FOXK1: variants seen among roughly 807,000 people sequenced by gnomAD.
FOXK1 encodes forkhead box protein K1.
A neutral mutation model predicts 51.9 loss-of-function variants in FOXK1; 19 were observed. The observed-to-expected ratio is 0.37, with a 90% CI of 0.26 to 0.54. FOXK1 has a LOEUF of 0.54. Ranked by LOEUF, FOXK1 falls within the 20% of genes least tolerant of loss-of-function variation. The pLI is 0.87. For missense variants in FOXK1, 870 were observed against 1,032.7 expected (o/e 0.84, Z 2.16); for synonymous variants, 537 against 482.6 (o/e 1.11, Z -1.48).
rs6977882 is a variant in FOXK1, at chr7:4,735,418, G to A, written c.561-5420G>A. On this transcript the variant is annotated intron_variant, in intron 1 of 8. Transcript: ENST00000328914. The surrounding 1 kb of genome is among the most constrained non-coding windows in gnomAD (Gnocchi z 4.7). ...ATTGTTCCAGTCCGTGGTTTTCAGC[G>A]CATTCGCAGAGTTGCGCGGCCACCA... Among the ~76,000 whole-genome samples, 1,737 of 152,262 alleles carry A rather than the reference G, an allele frequency of 0.011. 33 individuals are homozygous for A. The highest frequency in any genetic ancestry group is 0.04 in the African/African-American group (1,664 of 41,534).
intron 2 of FOXK1, among the ~76,000 whole-genome samples, chr7:4,752,963 A>G (rs1243660011): frequency 6.6e-6 from 1 of 152,230 alleles, no homozygotes; most frequent in Non-Finnish European, 1.5e-5. Context: ...TTTTGGATTC[A>G]GAACTAAATT....
chr7:4,710,985 T>C (rs1780167320), intron 1 of FOXK1, among the ~76,000 whole-genome samples: 1 of 152,242 alleles, frequency 6.6e-6, no homozygotes, highest in Non-Finnish European at 1.5e-5. Flanking sequence ...CACTGGGTTC[T>C]GGGAAGCCCC....
intron 3 of FOXK1, 137 bp downstream of exon 3, chr7:4,754,752 C>T (rs1352293465): frequency 2.7e-6 from 3 of 1,111,876 alleles, no homozygotes; most frequent in Non-Finnish European, 3.8e-6. Flanking sequence ...AATGGAGCCG[C>T]AGCTGGCGGT....
chr7:4,695,909 C>G (rs962586808), intron 1 of FOXK1, among the ~76,000 whole-genome samples: 1 of 146,954 alleles, frequency 6.8e-6, no homozygotes, highest in Admixed American at 6.9e-5. Context: ...GCACTCCAGT[C>G]TGGGCAACAA....
chr7:4,728,583 G>C (rs1780410173), intron 1 of FOXK1, among the ~76,000 whole-genome samples: 1 of 152,074 alleles, frequency 6.6e-6, no homozygotes, highest in Non-Finnish European at 1.5e-5. Context: ...CAGCAGATGG[G>C]ACTCCTCCTC....
chr7:4,699,751 A>T (rs184849651), intron 1 of FOXK1, among the ~76,000 whole-genome samples: 7 of 152,254 alleles, frequency 4.6e-5, no homozygotes, highest in Admixed American at 3.3e-4. Flanking sequence ...TTTCTTTTGT[A>T]ATTAAGTAAT....
intron 1 of FOXK1, among the ~76,000 whole-genome samples, chr7:4,691,365 C>G (rs1779888794): frequency 6.6e-6 from 1 of 152,188 alleles, no homozygotes; most frequent in Non-Finnish European, 1.5e-5. Context: ...CAGAGAGCCT[C>G]CCTCTGTCTC....
At chr7:4,754,076 C>T (rs1276517294) in intron 2 of FOXK1, among the ~76,000 whole-genome samples, 1 of 152,190 alleles carries the variant, frequency 6.6e-6, no homozygotes, top group Admixed American at 6.5e-5. Flanking sequence ...TTGTGGACAC[C>T]TGTGCAGGAG....
rs10255930 is a variant in FOXK1 at position 4,709,459 on chromosome 7, C to T, written c.560+26591C>T. Among the ~76,000 whole-genome samples the T allele has an allele frequency of 2.7e-4, 41 of 152,272 alleles. No individual in the cohort carries two copies. Among genetic ancestry groups the T allele is most frequent in the African/African-American group, 8.7e-4 (36 of 41,544 alleles). ...GCTGCTTATCTGGACTCGATGTCTC[C>T]GAGCAGATCGAGGCTGGCCCACCCC... is the stretch of plus-strand genomic sequence containing the variant. On this transcript the variant is annotated intron_variant, in intron 1 of 8. Coordinates refer to ENST00000328914, the MANE Select transcript of FOXK1 (RefSeq NM_001037165.2). The surrounding 1 kb of genome is among the most constrained non-coding windows in gnomAD (Gnocchi z 5.6).
At chr7:4,714,808 A>C (rs1433151538) in intron 1 of FOXK1, among the ~76,000 whole-genome samples, 2 of 152,142 alleles carry the variant, frequency 1.3e-5, no homozygotes, top group African/African-American at 4.8e-5. Flanking sequence ...CTCCTTAGAG[A>C]ATCAGTTCCC....
chr7:4,725,073 T>C (rs1043500270), intron 1 of FOXK1, among the ~76,000 whole-genome samples: 1 of 152,184 alleles, frequency 6.6e-6, no homozygotes, highest in Non-Finnish European at 1.5e-5. Flanking sequence ...CCAAGCGCGG[T>C]GCACCCGCCA....
In FOXK1 at chr7:4,758,384, G is replaced by A. The variant is rs1309908653; in HGVS notation, c.1245-667G>A. ...GCTTCCCAGGTTGCCCATCAGATGA[G>A]CCCGTCCCAGGTGTCGAGGAGGAGA... On this transcript the variant is annotated intron_variant, in intron 5 of 8. Coordinates refer to ENST00000328914, the MANE Select transcript of FOXK1 (RefSeq NM_001037165.2). The surrounding 1 kb of genome is among the most constrained non-coding windows in gnomAD (Gnocchi z 4.4). 6.6e-6 allele frequency: 1 copy of A among 152,388 alleles called. No individual in the cohort carries two copies. Among genetic ancestry groups the A allele is most frequent in the Non-Finnish European group, 1.5e-5 (1 of 68,152 alleles). 9.4% of individuals were successfully genotyped at this position (152,388 alleles called of 1,614,324 possible).
intron 1 of FOXK1, among the ~76,000 whole-genome samples, chr7:4,738,317 A>T (rs917542649): frequency 1.4e-5 from 2 of 143,782 alleles, no homozygotes; most frequent in African/African-American, 5.2e-5. Context: ...CGTGCCTGTA[A>T]TCCCAGCTAC....
rs896563816 is a variant in FOXK1, at chr7:4,764,303, T to C, written c.*1839T>C. On this transcript the variant is annotated 3_prime_UTR_variant, in exon 9 of 9. Transcript: ENST00000328914. ...TTTCCTTCCCGTGTCCCGTTGTTTT[T>C]CTAAGCCCCCCGAATTGAGTCGTTT... 2 of 154,428 alleles carry C rather than the reference T, an allele frequency of 1.3e-5. No homozygotes were observed. The highest frequency in any genetic ancestry group is 4.8e-5 in the African/African-American group (2 of 41,526). 9.6% of individuals were successfully genotyped at this position (154,428 alleles called of 1,614,324 possible).
intron 1 of FOXK1, among the ~76,000 whole-genome samples, chr7:4,740,394 C>T (rs1183447838): frequency 6.6e-6 from 1 of 150,410 alleles, no homozygotes; most frequent in East Asian, 1.9e-4. Context: ...CGTGTCCCTG[C>T]ACTCCAGCCT....
At position 4,682,789 on chromosome 7, in the gene FOXK1, C is replaced by T. The variant is rs1214607900; in HGVS notation, c.481C>T (p.Arg161Cys). ...CTTCCAGGAGCCGCACTTCTACCTG[C>T]GCTGCCTCGGCAAGAACGGCGTCTT... ...LSFQEPHFYL[R>C]CLGKNGVFVD... Residue 161 changes from arginine to cysteine, a missense_variant, in exon 1 of 9, where the codon CGC becomes TGC. Transcript: ENST00000328914. This position sits in a 1 kb window ranked among gnomAD's most constrained non-coding sequence, Gnocchi z 7.6. The T allele has an allele frequency of 1.9e-6, 3 of 1,591,926 alleles. No homozygotes were observed. Among genetic ancestry groups the T allele is most frequent in the African/African-American group, 2.7e-5 (2 of 74,060 alleles).
At position 4,711,159 on chromosome 7, in the gene FOXK1, C is replaced by T. The variant is rs78945488; in HGVS notation, c.560+28291C>T. 0.013 allele frequency among the ~76,000 whole-genome samples: 1,980 copies of T among 152,254 alleles called. 54 individuals are homozygous for T. The highest frequency in any genetic ancestry group is 0.045 in the African/African-American group (1,887 of 41,544). On this transcript the variant is annotated intron_variant, in intron 1 of 8. Transcript: ENST00000328914. The surrounding 1 kb of genome is among the most constrained non-coding windows in gnomAD (Gnocchi z 6.3). ...ACTTCTTCTACTCAAGCATGATGTC[C>T]GTTCCTGATGCCTTGCCCCGGGCAG...
At position 4,695,974 on chromosome 7, in the gene FOXK1, G is replaced by T. The variant is rs372778482; in HGVS notation, c.560+13106G>T. 2.5e-3 allele frequency among the ~76,000 whole-genome samples: 380 copies of T among 151,994 alleles called. 1 individual carries two copies. Among genetic ancestry groups the T allele is most frequent in the African/African-American group, 8.5e-3 (354 of 41,478 alleles). On this transcript the variant is annotated intron_variant, in intron 1 of 8. Coordinates refer to ENST00000328914, the MANE Select transcript of FOXK1 (RefSeq NM_001037165.2). Reference sequence around the variant, plus strand: ...AAAAAATTCCCACAAAAATTAGCTGGGTGTGGTGGCGTGCACCTGCAATCC... The same window carrying T: ...AAAAAATTCCCACAAAAATTAGCTGTGTGTGGTGGCGTGCACCTGCAATCC...
At chr7:4,728,718 A>G (rs1422292154) in intron 1 of FOXK1, among the ~76,000 whole-genome samples, 1 of 131,834 alleles carries the variant, frequency 7.6e-6, no homozygotes, top group African/African-American at 3.0e-5. Context: ...TAGTGAGACC[A>G]CGTCTCTTTT....
Sources: allele counts gnomAD v4.1 joint callset (sites outside exome capture counted in the v4.1 genomes callset), GRCh38; gene constraint gnomAD v4.1.1; non-coding constraint Gnocchi (gnomAD v3.1); transcripts MANE v1.5; gene names NCBI Gene and HGNC (gene_info 2026-07-23, HGNC 2026-07-21).